Variants in ROR1 observed in about 807,000 individuals in gnomAD.
The protein encoded by ROR1 is inactive tyrosine-protein kinase transmembrane receptor ROR1.
A neutral mutation model predicts 78.8 loss-of-function variants in ROR1; 19 were observed. The observed-to-expected ratio is 0.24, with a 90% CI of 0.17 to 0.35. The LOEUF (loss-of-function observed/expected upper bound fraction) is 0.35. ROR1 is among the 10% of genes least tolerant of loss of function. ROR1 has a pLI of 1.00. For missense variants in ROR1, 917 were observed against 1,177.8 expected, an observed-to-expected ratio of 0.78 and a Z score of 3.24; for synonymous variants, 386 against 433.6, an observed-to-expected ratio of 0.89 and a Z score of 1.36.
At chr1:64,014,964 T>C (rs887358197) in intron 2 of ROR1, among the ~76,000 whole-genome samples, 1 of 150,488 alleles carries the variant, frequency 6.6e-6, no homozygotes, top group South Asian at 2.1e-4. Flanking sequence ...ATGCTACAGA[T>C]AAAGACATAC....
At chr1:64,068,456 CT>C (rs2100614531) in intron 4 of ROR1, among the ~76,000 whole-genome samples, 1 of 152,278 alleles carries the variant, frequency 6.6e-6, no homozygotes, top group Non-Finnish European at 1.5e-5. Context: ...TCAGCAAGCA[CT>C]GGCAAAGAAT....
At chr1:63,997,317 G>A (rs285372) in intron 1 of ROR1, among the ~76,000 whole-genome samples, 100,283 of 152,056 alleles carry the variant, frequency 0.66, 37,570 homozygotes, top group East Asian at 0.94. Context: ...GCTTTTTGCA[G>A]GAAAATAATT....
intron 1 of ROR1, among the ~76,000 whole-genome samples, chr1:63,817,271 G>C (rs887938105): frequency 6.6e-6 from 1 of 152,144 alleles, no homozygotes; most frequent in South Asian, 2.1e-4. Flanking sequence ...TCAACGCCCC[G>C]TGGTCTCTTA....
At chr1:63,898,025 G>A (rs1645453971) in intron 1 of ROR1, among the ~76,000 whole-genome samples, 1 of 152,182 alleles carries the variant, frequency 6.6e-6, no homozygotes, top group Non-Finnish European at 1.5e-5. Context: ...TTTGGCCGGA[G>A]CTCATTCTGT....
At chr1:63,906,812 T>C (rs987637029) in intron 1 of ROR1, among the ~76,000 whole-genome samples, 74 of 152,256 alleles carry the variant, frequency 4.9e-4, no homozygotes, top group African/African-American at 1.5e-3. Flanking sequence ...GAGGCATATG[T>C]ACAAATCCAA....
At chr1:63,935,252 A>G (rs1440804766) in intron 1 of ROR1, among the ~76,000 whole-genome samples, 2 of 152,190 alleles carry the variant, frequency 1.3e-5, no homozygotes, top group African/African-American at 2.4e-5. Context: ...AGGGAGCTGT[A>G]TGAACTTTAT....
At chr1:63,786,597 A>C (rs930166988) in intron 1 of ROR1, among the ~76,000 whole-genome samples, 9 of 110,398 alleles carry the variant, frequency 8.2e-5, no homozygotes, top group African/African-American at 3.0e-4. Flanking sequence ...TTTTTTAAGG[A>C]GCAATTGTCA....
At chr1:64,052,983 C>T (rs571729447) in intron 4 of ROR1, among the ~76,000 whole-genome samples, 125 of 152,220 alleles carry the variant, frequency 8.2e-4, no homozygotes, top group African/African-American at 2.8e-3. Context: ...TGCCTAGCTT[C>T]GGAGTAGCCC....
chr1:64,157,257 C>T (rs979648206), intron 7 of ROR1, among the ~76,000 whole-genome samples: 1 of 152,146 alleles, frequency 6.6e-6, no homozygotes, highest in Non-Finnish European at 1.5e-5. Context: ...TCCGCCTCAG[C>T]CTCTCAAGTA....
chr1:63,792,837 T>C (rs1644735435), intron 1 of ROR1, among the ~76,000 whole-genome samples: 1 of 152,172 alleles, frequency 6.6e-6, no homozygotes, highest in Non-Finnish European at 1.5e-5. Context: ...TCTGTGGGAG[T>C]GAATTAACTA....
intron 1 of ROR1, among the ~76,000 whole-genome samples, chr1:63,788,116 C>T (rs943089980): frequency 2.6e-5 from 4 of 152,308 alleles, no homozygotes; most frequent in South Asian, 2.1e-4. Flanking sequence ...AGCCAGTAGA[C>T]GCTGCTTTCA....
At chr1:63,843,560 G>T in intron 1 of ROR1, 1 of 730,546 alleles carries the variant, frequency 1.4e-6, no homozygotes, top group Non-Finnish European at 2.5e-6. Flanking sequence ...TGTTCTTCTT[G>T]TCCTCACTAA....
intron 7 of ROR1, among the ~76,000 whole-genome samples, chr1:64,151,190 A>G (rs1268558018): frequency 6.6e-6 from 1 of 152,200 alleles, no homozygotes; most frequent in Non-Finnish European, 1.5e-5. Context: ...GCTAACATGA[A>G]TGGGAGGTAT....
At chr1:64,085,852 G>T (rs1647148393) in intron 4 of ROR1, among the ~76,000 whole-genome samples, 1 of 152,132 alleles carries the variant, frequency 6.6e-6, no homozygotes, top group Non-Finnish European at 1.5e-5. Context: ...AAACAGAAAG[G>T]CCTGTGACTT....
intron 1 of ROR1, among the ~76,000 whole-genome samples, chr1:63,892,107 A>C (rs1645402045): frequency 1.3e-5 from 2 of 152,236 alleles, no homozygotes; most frequent in Non-Finnish European, 2.9e-5. Context: ...GCATTCATTA[A>C]TTCACTTCTA....
chr1:64,035,782 C>T (rs998749298), intron 2 of ROR1, among the ~76,000 whole-genome samples: 4 of 152,106 alleles, frequency 2.6e-5, no homozygotes, highest in East Asian at 1.9e-4. Context: ...ATCTGGTTCC[C>T]GGCAGCTTTC....
intron 1 of ROR1, among the ~76,000 whole-genome samples, chr1:63,811,292 A>G (rs1644858402): frequency 6.6e-6 from 1 of 152,230 alleles, no homozygotes; most frequent in Non-Finnish European, 1.5e-5. Context: ...CGGAGCGTCC[A>G]GGAGCTGAGA....
chr1:64,098,814 C>A (rs1472525232), intron 4 of ROR1, among the ~76,000 whole-genome samples: 1 of 152,140 alleles, frequency 6.6e-6, no homozygotes, highest in Non-Finnish European at 1.5e-5. Flanking sequence ...GACTTCAGGA[C>A]TTCATCAGCC....
intron 1 of ROR1, chr1:63,843,257 G>C: frequency 6.7e-7 from 1 of 1,501,722 alleles, no homozygotes; most frequent in Non-Finnish European, 9.2e-7. Context: ...GGGTGCAGCG[G>C]TCCTTGACCT....
Sources: allele counts gnomAD v4.1 joint callset (sites outside exome capture counted in the v4.1 genomes callset), GRCh38; gene constraint gnomAD v4.1.1; transcripts MANE v1.5; gene names NCBI Gene and HGNC (gene_info 2026-07-23, HGNC 2026-07-21).